NAA15: variants seen among roughly 807,000 people sequenced by gnomAD.
The protein encoded by NAA15 is N-terminal acetyltransferase.
In NAA15, 34 loss-of-function variants were observed where a neutral mutation model predicts 114.0. The ratio of observed to expected loss-of-function variants is 0.30; its 90% CI spans 0.23 to 0.40. The LOEUF (loss-of-function observed/expected upper bound fraction) is 0.40, where lower values mean the gene tolerates loss of function less well. Ranked by LOEUF, NAA15 falls within the 10% of genes least tolerant of loss-of-function variation. The pLI, the probability that NAA15 is intolerant of heterozygous loss-of-function variation, is 1.00. For synonymous variants in NAA15, 340 were observed against 338.0 expected (o/e 1.01, Z -0.06); for missense variants, 658 against 1,004.5 (o/e 0.66, Z 4.66).
At chr4:139,370,101 A>T (rs1748393423) in intron 14 of NAA15, 110 bp from the exon 15 acceptor site, 1 of 913,370 alleles carries the variant, frequency 1.1e-6, no homozygotes, top group African/African-American at 1.7e-5. Flanking sequence ...CGCCATGCCC[A>T]GCCTCATGCA....
chr4:139,383,354 C>T (rs535465606), intron 17 of NAA15, among the ~76,000 whole-genome samples: 8 of 152,280 alleles, frequency 5.3e-5, no homozygotes, highest in Non-Finnish European at 8.8e-5. Context: ...CTTCAAAGCT[C>T]CAGACTCTCT....
chr4:139,309,938 A>C (rs1560950507), intron 1 of NAA15, among the ~76,000 whole-genome samples: 1 of 152,076 alleles, frequency 6.6e-6, no homozygotes, highest in Non-Finnish European at 1.5e-5. Flanking sequence ...TTTGATGATA[A>C]TAGAATTGCC....
At chr4:139,303,755 C>T (rs1308425316) in intron 1 of NAA15, among the ~76,000 whole-genome samples, 1 of 152,224 alleles carries the variant, frequency 6.6e-6, no homozygotes, top group Non-Finnish European at 1.5e-5. Context: ...GCCTTGGCAA[C>T]AGAGGAAGAC....
intron 5 of NAA15, among the ~76,000 whole-genome samples, chr4:139,343,978 T>C (rs1747494257): frequency 6.6e-6 from 1 of 152,208 alleles, no homozygotes. Flanking sequence ...TGTAAGGACT[T>C]ATGGATTATT....
intron 9 of NAA15, among the ~76,000 whole-genome samples, chr4:139,353,371 T>A (rs1052582373): frequency 2.0e-5 from 3 of 152,214 alleles, no homozygotes; most frequent in Non-Finnish European, 4.4e-5. Flanking sequence ...ATTAGTCTGT[T>A]GAGTCAGTTA....
At position 139,336,943 on chromosome 4, in the gene NAA15, A is replaced by C; in HGVS notation, c.235A>C (p.Ser79Arg). 6.3e-7 allele frequency: 1 copy of C among 1,588,672 alleles called. No individual in the cohort carries two copies. Among genetic ancestry groups the C allele is most frequent in the Non-Finnish European group, 8.6e-7 (1 of 1,167,484 alleles). ...TAGAGGTTTGAGAAATGACTTGAAGAGTCATGTGTGTATCCTTTTTGAGAT... is the reference window on the plus strand; with the variant it reads ...TAGAGGTTTGAGAAATGACTTGAAGCGTCATGTGTGTATCCTTTTTGAGAT... Reference protein sequence around the residue: ...VRRGLRNDLKSHVCWHVYGLL... With the variant: ...VRRGLRNDLKRHVCWHVYGLL... The change falls in exon 3 of 20, where the codon AGT (serine) becomes CGT (arginine). Residue 79 changes from serine (S) to arginine (R), a missense_variant. Physicochemically the swap from Ser to Arg is moderately radical, Grantham distance 110. Transcript: ENST00000296543.
At chr4:139,346,048 T>G (rs1747571069) in intron 6 of NAA15, among the ~76,000 whole-genome samples, 1 of 152,058 alleles carries the variant, frequency 6.6e-6, no homozygotes. Flanking sequence ...CTCAAAAAGT[T>G]TTTGTTTGTT....
rs753297384 is a variant in NAA15 at position 139,387,890 on chromosome 4, A to G, written c.2407A>G (p.Met803Val). ...ACTTTTTTTCTTTCCTTAGACATGTATGGAGGTATTGGAAGCCTTGTATGA... is the reference window on the plus strand; with the variant it reads ...ACTTTTTTTCTTTCCTTAGACATGTGTGGAGGTATTGGAAGCCTTGTATGA... ...SLTNRNLQTC[M>V]EVLEALYDGS... The change falls in exon 20 of 20, where the codon ATG becomes GTG. Residue 803 changes from methionine to valine, a missense_variant. Around this residue, in one of 6 missense-constraint regions of NAA15, gnomAD observed 275 missense variants for 371.1 expected, o/e 0.74. Coordinates refer to ENST00000296543, the MANE Select transcript of NAA15 (RefSeq NM_057175.5). 14 of 1,613,620 alleles carry G rather than the reference A, an allele frequency of 8.7e-6. No homozygotes were observed. The highest frequency in any genetic ancestry group is 1.1e-5 in the South Asian group (1 of 91,064).
intron 1 of NAA15, among the ~76,000 whole-genome samples, chr4:139,325,511 G>T (rs977085829): frequency 3.9e-5 from 6 of 152,122 alleles, no homozygotes; most frequent in African/African-American, 1.4e-4. Flanking sequence ...TTACCGAGGA[G>T]TCTCTTTGAA....
intron 6 of NAA15, among the ~76,000 whole-genome samples, chr4:139,348,171 T>G (rs1396764195): frequency 6.6e-6 from 1 of 150,530 alleles, no homozygotes; most frequent in Non-Finnish European, 1.5e-5. Flanking sequence ...AAGTCACTGG[T>G]GGCCGGGCAC....
intron 14 of NAA15, 52 bp downstream of exon 14, chr4:139,361,989 G>A (rs1320448096): frequency 4.6e-6 from 6 of 1,308,174 alleles, no homozygotes; most frequent in Non-Finnish European, 4.3e-6. Flanking sequence ...GTGTATTTAT[G>A]TGTATTATGT....
intron 14 of NAA15, among the ~76,000 whole-genome samples, chr4:139,367,645 T>C (rs1403062457): frequency 6.6e-6 from 1 of 152,174 alleles, no homozygotes; most frequent in Non-Finnish European, 1.5e-5. Context: ...TCAGACTAAA[T>C]AGTGAGGCAC....
Position 139,301,594 on chromosome 4 carries a change from GA to G in NAA15, c.-178del. 2 of 654,802 alleles carry G rather than the reference GA, an allele frequency of 3.1e-6. No individual in the cohort carries two copies. The highest frequency in any genetic ancestry group is 3.0e-5 in the Admixed American group (1 of 33,418). The allele number at this position is 654,802 out of a possible 1,614,324, so 40.6% of individuals were successfully genotyped here. A position where few individuals can be genotyped will look rare whatever the true frequency, so the allele number is the denominator to read the frequency against. On this transcript the variant is annotated 5_prime_UTR_variant, in exon 1 of 20. Transcript: ENST00000296543. ...GCGGCGGCAGCGTTAAGTGAGAAAGGAAAAAAGACAACGAGGAAAAAGGAGG... is the reference window on the plus strand; with the variant it reads ...GCGGCGGCAGCGTTAAGTGAGAAAGGAAAAAGACAACGAGGAAAAAGGAGG...
rs939236959 is a variant in NAA15, at chr4:139,327,991, GTTT to G, written c.55-6180_55-6178del. The stretch of plus-strand genomic sequence containing the variant: ...TAACTTACACATTTAGATCTGCAGT[GTTT>G]TTAGATGTTTTTTATTATGAAGAAA... On this transcript the variant is annotated intron_variant, in intron 1 of 19. Coordinates refer to ENST00000296543, the MANE Select transcript of NAA15 (RefSeq NM_057175.5). Among the ~76,000 whole-genome samples the G allele has an allele frequency of 4.6e-5, 7 of 152,196 alleles. No individual in the cohort carries two copies. In the East Asian group the frequency reaches 1.4e-3, roughly 29 times the overall value.
At chr4:139,342,037 G>A (rs1441886691) in intron 4 of NAA15, among the ~76,000 whole-genome samples, 1 of 152,060 alleles carries the variant, frequency 6.6e-6, no homozygotes, top group Non-Finnish European at 1.5e-5. Context: ...CAAATGTTTT[G>A]TTTCTTCTTT....
chr4:139,306,158 C>T, intron 1 of NAA15, among the ~76,000 whole-genome samples: 1 of 152,082 alleles, frequency 6.6e-6, no homozygotes, highest in East Asian at 1.9e-4. Flanking sequence ...AGTCAAAATG[C>T]TTGCATAATG....
chr4:139,313,358 G>A (rs1746280828), intron 1 of NAA15, among the ~76,000 whole-genome samples: 2 of 151,752 alleles, frequency 1.3e-5, no homozygotes, highest in African/African-American at 4.9e-5. Context: ...CAATGTTTGA[G>A]GACCAAGTTA....
rs200268225 is a variant in NAA15, at chr4:139,361,712, T to A, written c.1540-12T>A. ...GTACTTCGGTATAATAATAAAAAGA[T>A]AATTTTGTTAGCATTTTATAGAAAT... On this transcript the variant is annotated splice_polypyrimidine_tract_variant and intron_variant, in intron 13 of 19. Coordinates refer to ENST00000296543, the MANE Select transcript of NAA15 (RefSeq NM_057175.5). The A allele has an allele frequency of 3.4e-5, 52 of 1,513,138 alleles. No individual in the cohort carries two copies. In the Admixed American group the frequency reaches 4.7e-4, roughly 14 times the overall value. The allele number at this position is 1,513,138 out of a possible 1,614,324, so 93.7% of individuals were successfully genotyped here. A position where few individuals can be genotyped will look rare whatever the true frequency, so the allele number is the denominator to read the frequency against.
At chr4:139,336,818 G>A (rs1046271595) in intron 2 of NAA15, 30 bp from the exon 3 acceptor site, 2 of 1,314,098 alleles carry the variant, frequency 1.5e-6, no homozygotes, top group Non-Finnish European at 1.0e-6. Flanking sequence ...TTTTTAAAAT[G>A]TTCCTTTTCT....
Sources: allele counts gnomAD v4.1 joint callset (sites outside exome capture counted in the v4.1 genomes callset), GRCh38; gene constraint gnomAD v4.1.1; regional missense constraint gnomAD v4.1.1; transcripts MANE v1.5; gene names NCBI Gene and HGNC (gene_info 2026-07-23, HGNC 2026-07-21).